Variants in FAT3 observed in about 807,000 individuals in gnomAD.
FAT3 encodes FAT atypical cadherin 3.
In FAT3, 95 loss-of-function variants were observed where a neutral mutation model predicts 310.2. The ratio of observed to expected loss-of-function variants is 0.31; its 90% confidence interval spans 0.26 to 0.36. The LOEUF is 0.36. Ranked by LOEUF, FAT3 falls within the 10% of genes least tolerant of loss-of-function variation. The pLI, the probability that FAT3 is intolerant of heterozygous loss-of-function variation, is 1.00. For missense variants in FAT3, 5,408 were observed against 5,715.6 expected (o/e 0.95, Z 1.74); for synonymous variants, 2,314 against 2,192.9 (o/e 1.06, Z -1.54).
At chr11:92,517,688 C>T (rs562739373) in intron 2 of FAT3, among the ~76,000 whole-genome samples, 7 of 152,206 alleles carry the variant, frequency 4.6e-5, no homozygotes, top group African/African-American at 1.7e-4. Context: ...GAACAGGCAA[C>T]CTATAGAATG....
At chr11:92,550,890 T>G (rs1398587658) in intron 3 of FAT3, among the ~76,000 whole-genome samples, 3 of 151,470 alleles carry the variant, frequency 2.0e-5, no homozygotes, top group Admixed American at 6.6e-5. Context: ...GCAAAAGGAG[T>G]GCCCTTCCAT....
At chr11:92,886,937 G>C (rs1400460245) in intron 24 of FAT3, 63 bp from the exon 25 acceptor site, 1 of 1,318,630 alleles carries the variant, frequency 7.6e-7, no homozygotes, top group East Asian at 2.5e-5. Flanking sequence ...GGGGTGGGTG[G>C]GACTGGAAAT....
chr11:92,517,134 T>A (rs1953513165), intron 2 of FAT3, among the ~76,000 whole-genome samples: 1 of 152,148 alleles, frequency 6.6e-6, no homozygotes. Flanking sequence ...AAAACTACTT[T>A]AAATTTCATA....
intron 13 of FAT3, among the ~76,000 whole-genome samples, chr11:92,828,677 G>C (rs992030651): frequency 2.6e-5 from 4 of 152,122 alleles, no homozygotes; most frequent in Non-Finnish European, 4.4e-5. Flanking sequence ...CCCTGTCATG[G>C]AGTTAAAATT....
intron 2 of FAT3, among the ~76,000 whole-genome samples, chr11:92,492,420 T>A (rs780655927): frequency 3.3e-5 from 5 of 151,978 alleles, no homozygotes; most frequent in Admixed American, 6.6e-5. Flanking sequence ...ATCTTTAAAA[T>A]GGAGATCATA....
chr11:92,716,488 G>GA (rs547226661), intron 4 of FAT3, among the ~76,000 whole-genome samples: 63 of 151,900 alleles, frequency 4.1e-4, no homozygotes, highest in African/African-American at 1.4e-3. Flanking sequence ...GAGTTTTCTG[G>GA]AAAAAAATAT....
chr11:92,398,783 T>C lies in FAT3; in HGVS notation c.3292+43379T>C, dbSNP rs1194882050. 2.6e-5 allele frequency among the ~76,000 whole-genome samples: 4 copies of C among 152,206 alleles called. No individual in the cohort carries two copies. The East Asian group carries it at 7.7e-4, about 29-fold the overall frequency. On this transcript the variant is annotated intron_variant, in intron 2 of 27. Coordinates refer to ENST00000525166, the MANE Select transcript of FAT3 (RefSeq NM_001367949.2). ...TTCTAGTTTATTCTATTCCATTCCA[T>C]TATTTTGTTTAGACATGTTTGTTGC...
chr11:92,280,219 G>A (rs1038589702), intron 1 of FAT3, among the ~76,000 whole-genome samples: 58 of 152,208 alleles, frequency 3.8e-4, no homozygotes, highest in African/African-American at 1.2e-3. Flanking sequence ...TCTCTGACTA[G>A]CTTTTCCATT....
At chr11:92,735,083 C>A (rs962522940) in intron 4 of FAT3, among the ~76,000 whole-genome samples, 7 of 152,240 alleles carry the variant, frequency 4.6e-5, no homozygotes, top group Admixed American at 2.0e-4. Flanking sequence ...CACCTCCCTG[C>A]AGGAACTCCC....
At chr11:92,470,799 A>T (rs1951884050) in intron 2 of FAT3, among the ~76,000 whole-genome samples, 1 of 152,144 alleles carries the variant, frequency 6.6e-6, no homozygotes, top group East Asian at 1.9e-4. Context: ...TCTTAGATGC[A>T]TTTTATCCTG....
intron 2 of FAT3, among the ~76,000 whole-genome samples, chr11:92,471,053 G>A (rs373484355): frequency 2.0e-4 from 30 of 152,128 alleles, no homozygotes; most frequent in East Asian, 9.7e-4. Flanking sequence ...TAATGTCTGC[G>A]TAGCAGTCTA....
intron 2 of FAT3, among the ~76,000 whole-genome samples, chr11:92,423,673 C>T (rs538463052): frequency 3.9e-4 from 60 of 152,224 alleles, no homozygotes; most frequent in Non-Finnish European, 7.1e-4. Flanking sequence ...GAATCTATGT[C>T]TGTAGAGAGA....
At chr11:92,231,110 A>AC (rs1250510559) in intron 1 of FAT3, among the ~76,000 whole-genome samples, 2 of 152,052 alleles carry the variant, frequency 1.3e-5, no homozygotes, top group Non-Finnish European at 2.9e-5. Context: ...GTGGTCTCCC[A>AC]CCCCCCAATT....
rs113372595 is a variant in FAT3, at chr11:92,478,948, C to CTTTCTTTTCTTTTCTTTTCTTTTCT, written c.3293-45663_3293-45639dup. ...TTTCTTTCCTTCTCTTTCTTTCTTTCTTTCTTTTCTTTTCTTTTCTTTTCT... is the reference window on the plus strand; with the variant it reads ...TTTCTTTCCTTCTCTTTCTTTCTTTCTTTCTTTTCTTTTCTTTTCTTTTCTTTTCTTTTCTTTTCTTTTCTTTTCT... On this transcript the variant is annotated intron_variant, in intron 2 of 27. Coordinates refer to ENST00000525166, the MANE Select transcript of FAT3 (RefSeq NM_001367949.2). Among the ~76,000 whole-genome samples, 31 of 114,518 alleles carry CTTTCTTTTCTTTTCTTTTCTTTTCT rather than the reference C, an allele frequency of 2.7e-4. 1 individual carries two copies. Among genetic ancestry groups the CTTTCTTTTCTTTTCTTTTCTTTTCT allele is most frequent in the African/African-American group, 1.0e-3 (28 of 27,174 alleles). 75.1% of individuals were successfully genotyped at this position (114,518 alleles called of 152,430 possible).
At chr11:92,805,779 C>A (rs1009121621) in intron 11 of FAT3, among the ~76,000 whole-genome samples, 1 of 152,060 alleles carries the variant, frequency 6.6e-6, no homozygotes, top group Non-Finnish European at 1.5e-5. Flanking sequence ...TATGAAGTGG[C>A]CTTTCTACTA....
rs2136351714 is a variant in FAT3, at chr11:92,867,099, C to T, written c.12017C>T (p.Ala4006Val). The change falls in exon 22 of 28, where the codon GCG (alanine) becomes GTG (valine). Residue 4006 changes from alanine to valine, a missense_variant. Transcript: ENST00000525166. ...CTGCAGAACAAGCGCAGCAGCTTCGCGGAGGTGGTGGGCCTGACGGAGCTG... is the reference window on the plus strand; with the variant it reads ...CTGCAGAACAAGCGCAGCAGCTTCGTGGAGGTGGTGGGCCTGACGGAGCTG... ...LPLQNKRSSF[A>V]EVVGLTELKL... 1.9e-6 allele frequency: 3 copies of T among 1,600,270 alleles called. No individual in the cohort carries two copies. Among genetic ancestry groups the T allele is most frequent in the Non-Finnish European group, 1.7e-6 (2 of 1,174,024 alleles).
At chr11:92,241,066 A>G (rs1460083913) in intron 1 of FAT3, among the ~76,000 whole-genome samples, 2 of 152,114 alleles carry the variant, frequency 1.3e-5, no homozygotes, top group Non-Finnish European at 2.9e-5. Flanking sequence ...CCTTTGTGAC[A>G]TCTCATTGCT....
At chr11:92,632,885 C>T (rs1941605271) in intron 3 of FAT3, among the ~76,000 whole-genome samples, 1 of 152,184 alleles carries the variant, frequency 6.6e-6, no homozygotes, top group Non-Finnish European at 1.5e-5. Flanking sequence ...TTTGGAGAAA[C>T]ACATCTTAGA....
In FAT3 at chr11:92,431,430, G is replaced by A. The variant is rs540059971; in HGVS notation, c.3292+76026G>A. Among the ~76,000 whole-genome samples, 41 of 152,274 alleles carry A rather than the reference G, an allele frequency of 2.7e-4. No homozygotes were observed. The South Asian group carries it at 8.3e-3, about 31-fold the overall frequency. On this transcript the variant is annotated intron_variant, in intron 2 of 27. Coordinates refer to ENST00000525166, the MANE Select transcript of FAT3 (RefSeq NM_001367949.2). ...ATATTAGCCCTTTGTCAGATCAGTA[G>A]ATTGCAAAAATTTTCTCCTATTCTG...
Sources: gnomAD v4.1 joint callset for allele counts (sites outside exome capture counted in the v4.1 genomes callset) on GRCh38, gnomAD v4.1.1 for gene constraint, MANE v1.5 for transcripts, NCBI Gene and HGNC (gene_info 2026-07-23, HGNC 2026-07-21) for gene names.